RAP1GAP2: variants seen among roughly 807,000 people sequenced by gnomAD.
RAP1GAP2 encodes RAP1 GTPase activating protein 2.
RAP1GAP2 carries 27 observed loss-of-function variants against 95.0 expected under a neutral mutation model. That is an observed-to-expected ratio of 0.28 (90% CI 0.21 to 0.39). The LOEUF (loss-of-function observed/expected upper bound fraction) is 0.39. RAP1GAP2 is among the 10% of genes least tolerant of loss of function. The probability of loss-of-function intolerance (pLI) is 1.00; values close to 1 mark genes in which losing one functional copy is unlikely to be tolerated. For synonymous variants in RAP1GAP2, 373 were observed against 380.9 expected (o/e 0.98, Z 0.24); for missense variants, 771 against 970.0 (o/e 0.79, Z 2.72).
intron 1 of RAP1GAP2, among the ~76,000 whole-genome samples, chr17:2,779,064 A>G (rs1335035934): frequency 6.6e-6 from 1 of 152,206 alleles, no homozygotes; most frequent in East Asian, 1.9e-4. Flanking sequence ...AAGAAGGCCC[A>G]GCGTGGCCTG....
In RAP1GAP2 at chr17:2,816,853, A is replaced by G. The variant is rs781115214; in HGVS notation, c.80+16303A>G. Among the ~76,000 whole-genome samples, 9 of 120,144 alleles carry G rather than the reference A, an allele frequency of 7.5e-5. 3 individuals are homozygous for G. The highest frequency in any genetic ancestry group is 1.4e-4 in the Non-Finnish European group (7 of 50,282). 78.8% of individuals were successfully genotyped at this position (120,144 alleles called of 152,430 possible). A position where few individuals can be genotyped will look rare whatever the true frequency, so the allele number is the denominator to read the frequency against. ...AGCCACCATTCTGCTTTCTGTTTCTATGAATTTGACTGCTCGGTGAACTGT... is the reference window on the plus strand; with the variant it reads ...AGCCACCATTCTGCTTTCTGTTTCTGTGAATTTGACTGCTCGGTGAACTGT... On this transcript the variant is annotated intron_variant, in intron 2 of 24. Coordinates refer to ENST00000254695, the MANE Select transcript of RAP1GAP2 (RefSeq NM_015085.5).
intron 2 of RAP1GAP2, among the ~76,000 whole-genome samples, chr17:2,801,602 T>C (rs1468385213): frequency 1.8e-4 from 4 of 21,708 alleles, no homozygotes; most frequent in Non-Finnish European, 1.6e-4. Context: ...AGGGTATGTG[T>C]GTGTGTGTGT....
intron 3 of RAP1GAP2, among the ~76,000 whole-genome samples, chr17:2,923,866 C>T (rs955253015): frequency 6.6e-6 from 1 of 152,204 alleles, no homozygotes; most frequent in Non-Finnish European, 1.5e-5. Flanking sequence ...GCATCATACA[C>T]ATAGATAGAG....
intron 3 of RAP1GAP2, among the ~76,000 whole-genome samples, chr17:2,922,055 C>G (rs932902785): frequency 6.6e-6 from 1 of 152,204 alleles, no homozygotes; most frequent in African/African-American, 2.4e-5. Context: ...CAACAAAATA[C>G]CTTAGACTGG....
intron 1 of RAP1GAP2, among the ~76,000 whole-genome samples, chr17:2,762,704 G>C (rs1320366520): frequency 6.6e-6 from 1 of 150,718 alleles, no homozygotes; most frequent in Non-Finnish European, 1.5e-5. Context: ...ACCCAGCCTG[G>C]GTTAGGATTT....
intron 7 of RAP1GAP2, 36 bp downstream of exon 7, chr17:2,964,104 G>A: frequency 1.3e-6 from 2 of 1,565,212 alleles, no homozygotes; most frequent in East Asian, 2.2e-5. Context: ...GGGGGTTGGG[G>A]GCAGAGGCTG....
chr17:2,903,954 G>A lies in RAP1GAP2; in HGVS notation c.81-1330G>A, dbSNP rs1238249733. ...AAGAAGGTGTGGGGTTGGAACTGTC[G>A]CTTCGCTGGCAGGACTTGGGCTGGG... On this transcript the variant is annotated intron_variant, in intron 2 of 24. Coordinates refer to ENST00000254695, the MANE Select transcript of RAP1GAP2 (RefSeq NM_015085.5). The surrounding 1 kb of genome is among the most constrained non-coding windows in gnomAD (Gnocchi z 4.1). 2.6e-5 allele frequency among the ~76,000 whole-genome samples: 4 copies of A among 152,182 alleles called. No homozygotes were observed. Among genetic ancestry groups the A allele is most frequent in the African/African-American group, 7.2e-5 (3 of 41,450 alleles).
intron 2 of RAP1GAP2, among the ~76,000 whole-genome samples, chr17:2,881,970 G>A (rs914816352): frequency 6.7e-6 from 1 of 149,638 alleles, no homozygotes; most frequent in Non-Finnish European, 1.5e-5. Flanking sequence ...ACAGGTGCCT[G>A]CCACCACGCC....
intron 11 of RAP1GAP2, among the ~76,000 whole-genome samples, chr17:2,985,841 C>T (rs2045540532): frequency 6.6e-6 from 1 of 152,062 alleles, no homozygotes. Context: ...CTTTGTTGAA[C>T]TTAGTGGTTT....
rs776967826 is a variant in RAP1GAP2 at position 2,980,282 on chromosome 17, T to G, written c.597-5T>G. On this transcript the variant is annotated splice_region_variant and splice_polypyrimidine_tract_variant and intron_variant, in intron 8 of 24. Transcript: ENST00000254695. ...GGATGTCCTTTTTTCTCCCGTCTTG[T>G]GCAGGTCCAAACTGAAGACGGTACA... 4 of 1,613,568 alleles carry G rather than the reference T, an allele frequency of 2.5e-6. No individual in the cohort carries two copies. Among genetic ancestry groups the G allele is most frequent in the Admixed American group, 1.7e-5 (1 of 60,008 alleles).
chr17:2,766,941 A>G (rs1421084602), intron 1 of RAP1GAP2, among the ~76,000 whole-genome samples: 2 of 150,256 alleles, frequency 1.3e-5, no homozygotes, highest in African/African-American at 4.9e-5. Context: ...CCCCCAGCAA[A>G]TCCCCTGTGC....
intron 3 of RAP1GAP2, among the ~76,000 whole-genome samples, chr17:2,934,890 A>G (rs542327636): frequency 8.5e-5 from 13 of 152,320 alleles, no homozygotes; most frequent in African/African-American, 3.1e-4. Flanking sequence ...AGTCTTAGCT[A>G]TTCGTGTGAA....
chr17:2,933,211 T>C (rs528072999), intron 3 of RAP1GAP2, among the ~76,000 whole-genome samples: 39 of 152,112 alleles, frequency 2.6e-4, no homozygotes, highest in African/African-American at 8.9e-4. Flanking sequence ...AGGAACATTG[T>C]TGGGGAGCAG....
intron 8 of RAP1GAP2, among the ~76,000 whole-genome samples, chr17:2,971,426 G>C (rs1369189677): frequency 6.6e-6 from 1 of 152,052 alleles, no homozygotes; most frequent in East Asian, 1.9e-4. Context: ...TACCTTAAAT[G>C]GTTTCCTATT....
chr17:2,978,428 C>T (rs62091999), intron 8 of RAP1GAP2, among the ~76,000 whole-genome samples: 27,145 of 151,754 alleles, frequency 0.18, 2,958 homozygotes, highest in East Asian at 0.33. Flanking sequence ...GCGTGTAGGG[C>T]GTGGGTATGC....
intron 11 of RAP1GAP2, among the ~76,000 whole-genome samples, chr17:2,987,774 T>C (rs1313579746): frequency 6.6e-6 from 1 of 152,242 alleles, no homozygotes; most frequent in African/African-American, 2.4e-5. Context: ...AATAAAATTA[T>C]TGAAATCTAC....
chr17:2,901,662 C>G (rs1471670298), intron 2 of RAP1GAP2, among the ~76,000 whole-genome samples: 1 of 151,962 alleles, frequency 6.6e-6, no homozygotes, highest in Non-Finnish European at 1.5e-5. Flanking sequence ...TTCACCTCCT[C>G]GTGTGTGATA....
intron 4 of RAP1GAP2, chr17:2,962,198 G>C (rs2044365688): frequency 5.9e-6 from 1 of 170,448 alleles, no homozygotes; most frequent in Admixed American, 6.5e-5. Context: ...CACTGTGTCC[G>C]ACAAGACAGC....
chr17:2,967,032 T>G (rs1475194033), intron 8 of RAP1GAP2, among the ~76,000 whole-genome samples: 1 of 152,134 alleles, frequency 6.6e-6, no homozygotes, highest in East Asian at 1.9e-4. Flanking sequence ...GGACTAAAAG[T>G]AGGTGAATAT....
Sources: allele counts gnomAD v4.1 joint callset (sites outside exome capture counted in the v4.1 genomes callset), GRCh38; gene constraint gnomAD v4.1.1; non-coding constraint Gnocchi (gnomAD v3.1); transcripts MANE v1.5; gene names NCBI Gene and HGNC (gene_info 2026-07-23, HGNC 2026-07-21).